Variants in ERBB4 observed in about 807,000 individuals in gnomAD.
ERBB4 encodes the protein receptor tyrosine-protein kinase erbB-4.
ERBB4 carries 42 observed loss-of-function variants against 158.0 expected under a neutral mutation model. That is an observed-to-expected ratio of 0.27 (90% CI 0.21 to 0.34). The LOEUF (loss-of-function observed/expected upper bound fraction) is 0.34, where lower values mean the gene tolerates loss of function less well. Among genes scored for constraint, ERBB4 ranks in the 10% least tolerant of loss-of-function variants. ERBB4 has a pLI of 1.00. For synonymous variants in ERBB4, 583 were observed against 558.7 expected (o/e 1.04, Z -0.61); for missense variants, 1,333 against 1,624.1 (o/e 0.82, Z 3.08).
chr2:212,166,400 T>C (rs2081347570), intron 1 of ERBB4, among the ~76,000 whole-genome samples: 1 of 151,998 alleles, frequency 6.6e-6, no homozygotes, highest in South Asian at 2.1e-4. Flanking sequence ...GTATTTTACA[T>C]TAACAAAACA....
At chr2:212,452,424 C>T (rs898255666) in intron 1 of ERBB4, among the ~76,000 whole-genome samples, 8 of 152,150 alleles carry the variant, frequency 5.3e-5, no homozygotes, top group Admixed American at 2.0e-4. Context: ...ACTACACACA[C>T]TCAAATGTGC....
chr2:211,968,281 A>T (rs890949544), intron 2 of ERBB4, among the ~76,000 whole-genome samples: 1 of 152,058 alleles, frequency 6.6e-6, no homozygotes, highest in Non-Finnish European at 1.5e-5. Context: ...TGAATGGTTT[A>T]GGGGCATAGT....
At chr2:212,139,917 A>G (rs1412991350) in intron 1 of ERBB4, among the ~76,000 whole-genome samples, 1 of 151,670 alleles carries the variant, frequency 6.6e-6, no homozygotes, top group Non-Finnish European at 1.5e-5. Flanking sequence ...ATGATAAATT[A>G]TATAAATAAG....
At chr2:211,697,954 A>C (rs1212544852) in intron 12 of ERBB4, among the ~76,000 whole-genome samples, 2 of 152,176 alleles carry the variant, frequency 1.3e-5, no homozygotes, top group African/African-American at 4.8e-5. Flanking sequence ...ATGATATAAA[A>C]ATGGAAAATA....
At chr2:211,772,055 T>C (rs2075703862) in intron 4 of ERBB4, among the ~76,000 whole-genome samples, 2 of 152,182 alleles carry the variant, frequency 1.3e-5, no homozygotes. Flanking sequence ...TCCTGAATAG[T>C]TTACAATGTT....
intron 1 of ERBB4, among the ~76,000 whole-genome samples, chr2:212,305,072 G>C (rs1051534323): frequency 2.0e-5 from 3 of 151,206 alleles, no homozygotes; most frequent in African/African-American, 7.3e-5. Context: ...TGAAACTTAT[G>C]AATGCCCAAC....
intron 25 of ERBB4, among the ~76,000 whole-genome samples, chr2:211,393,330 T>G (rs538533896): frequency 5.9e-5 from 9 of 152,192 alleles, no homozygotes; most frequent in Non-Finnish European, 1.3e-4. Flanking sequence ...TATTAAAAAT[T>G]ATAACTCCCA....
intron 16 of ERBB4, among the ~76,000 whole-genome samples, chr2:211,642,760 C>G (rs1553602158): frequency 6.6e-6 from 1 of 152,022 alleles, no homozygotes; most frequent in Non-Finnish European, 1.5e-5. Context: ...TACTTACAAA[C>G]TTTTTATCTT....
chr2:211,844,741 A>T (rs1227991866), intron 3 of ERBB4, among the ~76,000 whole-genome samples: 1 of 152,202 alleles, frequency 6.6e-6, no homozygotes, highest in African/African-American at 2.4e-5. Context: ...ATGATACATG[A>T]CTATAGTATT....
At chr2:211,799,076 T>C (rs1575163249) in intron 3 of ERBB4, among the ~76,000 whole-genome samples, 1 of 152,152 alleles carries the variant, frequency 6.6e-6, no homozygotes, top group East Asian at 1.9e-4. Flanking sequence ...TTACCTCTGC[T>C]GTCACTACCA....
In ERBB4 at chr2:211,591,356, C is replaced by A. The variant is rs369679859; in HGVS notation, c.2301+27821G>T. ...GGGTCTTAATTTTTTTCCCTACTTA[C>A]CTCTCTGGTTTTATCTCTTCTCACT... On this transcript the variant is annotated intron_variant, in intron 19 of 27. Transcript: ENST00000342788. 3.3e-5 allele frequency among the ~76,000 whole-genome samples: 5 copies of A among 152,098 alleles called. No individual in the cohort carries two copies. The East Asian group carries it at 5.8e-4, about 18-fold the overall frequency.
intron 1 of ERBB4, among the ~76,000 whole-genome samples, chr2:212,496,878 T>C (rs78099460): frequency 0.016 from 2,394 of 152,282 alleles, 32 homozygotes; most frequent in Non-Finnish European, 0.025. Flanking sequence ...TATTTGCTTT[T>C]TAAAAATAAC....
chr2:211,714,199 C>G (rs13032249), intron 7 of ERBB4, among the ~76,000 whole-genome samples: 31,247 of 152,142 alleles, frequency 0.21, 4,086 homozygotes, highest in African/African-American at 0.37. Context: ...ATCAAATAGA[C>G]AAGGAGCAGT....
intron 19 of ERBB4, 82 bp from the exon 20 acceptor site, chr2:211,562,170 G>C: frequency 8.4e-7 from 1 of 1,195,618 alleles, no homozygotes; most frequent in Admixed American, 1.8e-5. Flanking sequence ...TAATGGTGCT[G>C]ATGATTTTTA....
intron 2 of ERBB4, among the ~76,000 whole-genome samples, chr2:211,987,168 A>G (rs902694965): frequency 6.6e-6 from 1 of 151,854 alleles, no homozygotes; most frequent in Non-Finnish European, 1.5e-5. Context: ...TAAACACACA[A>G]AAATTAGCCA....
chr2:211,940,782 T>C (rs189683694), intron 3 of ERBB4, among the ~76,000 whole-genome samples: 1 of 152,226 alleles, frequency 6.6e-6, no homozygotes, highest in East Asian at 1.9e-4. Flanking sequence ...TTTTGGCTTA[T>C]TTCTCCTCAG....
intron 20 of ERBB4, among the ~76,000 whole-genome samples, chr2:211,511,470 A>C (rs991879080): frequency 1.3e-5 from 2 of 152,136 alleles, no homozygotes; most frequent in Non-Finnish European, 2.9e-5. Context: ...CATGAGTATT[A>C]CTGAAAGAGA....
At chr2:212,252,968 T>C (rs961020533) in intron 1 of ERBB4, among the ~76,000 whole-genome samples, 1 of 152,122 alleles carries the variant, frequency 6.6e-6, no homozygotes, top group South Asian at 2.1e-4. Flanking sequence ...GTGGGAAAAT[T>C]TGCATAACAT....
At chr2:211,401,657 T>C (rs953578853) in intron 25 of ERBB4, among the ~76,000 whole-genome samples, 1 of 152,044 alleles carries the variant, frequency 6.6e-6, no homozygotes, top group African/African-American at 2.4e-5. Context: ...CTTTAATAAA[T>C]TGAGATCTGA....
Sources: gnomAD v4.1 joint callset for allele counts (sites outside exome capture counted in the v4.1 genomes callset) on GRCh38, gnomAD v4.1.1 for gene constraint, MANE v1.5 for transcripts, NCBI Gene and HGNC (gene_info 2026-07-23, HGNC 2026-07-21) for gene names.